The following SPON1 variants were observed in gnomAD, a reference collection of about 807,000 sequenced individuals.
SPON1 encodes the protein spondin 1.
Under a neutral mutation model 111.7 loss-of-function variants are expected in SPON1, and 52 were observed. The ratio of observed to expected loss-of-function variants is 0.47; its 90% CI spans 0.37 to 0.59. SPON1 has a LOEUF of 0.59. Ranked by LOEUF, SPON1 falls within the 20% of genes least tolerant of loss-of-function variation. The pLI is 0.00. For synonymous variants in SPON1, 410 were observed against 395.8 expected (o/e 1.04, Z -0.43); for missense variants, 957 against 1,068.5 (o/e 0.90, Z 1.46).
intron 2 of SPON1, among the ~76,000 whole-genome samples, chr11:14,040,102 A>T (rs1382271985): frequency 6.6e-6 from 1 of 152,208 alleles, no homozygotes; most frequent in East Asian, 1.9e-4. Flanking sequence ...TGCAGTACTT[A>T]GTGAAATTAA....
intron 5 of SPON1, among the ~76,000 whole-genome samples, chr11:14,129,986 C>T (rs74404771): frequency 0.097 from 14,674 of 150,894 alleles, 868 homozygotes; most frequent in African/African-American, 0.16. Flanking sequence ...TTCATGACCT[C>T]CCACCAAATC....
intron 3 of SPON1, among the ~76,000 whole-genome samples, 169 bp downstream of exon 3, chr11:14,041,823 A>G (rs1017395751): frequency 6.6e-6 from 1 of 152,168 alleles, no homozygotes; most frequent in African/African-American, 2.4e-5. Context: ...GAAGTGTTCC[A>G]TAAAGATTCA....
chr11:13,976,982 G>C (rs1848108199), intron 1 of SPON1, among the ~76,000 whole-genome samples: 1 of 152,140 alleles, frequency 6.6e-6, no homozygotes, highest in South Asian at 2.1e-4. Context: ...CCTGTCTTCT[G>C]TCACTTGAGA....
intron 5 of SPON1, among the ~76,000 whole-genome samples, chr11:14,117,637 C>A (rs782815276): frequency 1.3e-5 from 2 of 152,156 alleles, no homozygotes; most frequent in African/African-American, 4.8e-5. Context: ...TCCATCTTAA[C>A]TTTTACCTCA....
At chr11:14,100,520 T>C (rs1554924289) in intron 5 of SPON1, among the ~76,000 whole-genome samples, 1 of 152,248 alleles carries the variant, frequency 6.6e-6, no homozygotes, top group Non-Finnish European at 1.5e-5. Context: ...TACTTATGTT[T>C]ATCTCTGTTG....
At chr11:14,179,267 C>T (rs1004517645) in intron 6 of SPON1, among the ~76,000 whole-genome samples, 6 of 152,152 alleles carry the variant, frequency 3.9e-5, no homozygotes, top group Non-Finnish European at 8.8e-5. Context: ...AGATATGACA[C>T]AGCATTTTGC....
intron 6 of SPON1, among the ~76,000 whole-genome samples, chr11:14,146,075 C>T (rs782588408): frequency 2.8e-4 from 43 of 151,912 alleles, no homozygotes; most frequent in Non-Finnish European, 5.9e-4. Flanking sequence ...AGGGGCAGAA[C>T]TGAAAGGTTC....
At chr11:14,257,633 T>C (rs1849123825) in intron 10 of SPON1, 83 bp from the exon 11 acceptor site, 1 of 1,325,446 alleles carries the variant, frequency 7.5e-7, no homozygotes, top group African/African-American at 1.5e-5. Context: ...GCTTTTCTTG[T>C]CCCCAGATAA....
At chr11:14,089,722 T>C (rs1312888424) in intron 5 of SPON1, among the ~76,000 whole-genome samples, 2 of 152,164 alleles carry the variant, frequency 1.3e-5, no homozygotes, top group East Asian at 3.9e-4. Context: ...CAGGCAGGAA[T>C]GTTTAAATCC....
chr11:14,079,453 G>C (rs1184282068), intron 4 of SPON1, among the ~76,000 whole-genome samples: 11 of 151,612 alleles, frequency 7.3e-5, no homozygotes, highest in African/African-American at 2.7e-4. Flanking sequence ...ATTCCTTCTG[G>C]TCCTGTCATT....
intron 6 of SPON1, among the ~76,000 whole-genome samples, chr11:14,179,645 C>A (rs1313868682): frequency 6.6e-6 from 1 of 152,116 alleles, no homozygotes; most frequent in Admixed American, 6.5e-5. Context: ...GTTTCCTCAT[C>A]TAAATGAAGA....
intron 2 of SPON1, among the ~76,000 whole-genome samples, chr11:14,003,799 A>C (rs1848338182): frequency 6.6e-6 from 1 of 152,176 alleles, no homozygotes; most frequent in Admixed American, 6.5e-5. Flanking sequence ...TTTTTGTGAC[A>C]AGGGCAACTA....
At chr11:14,059,590 A>G (rs983449232) in intron 3 of SPON1, among the ~76,000 whole-genome samples, 2 of 152,194 alleles carry the variant, frequency 1.3e-5, no homozygotes, top group African/African-American at 4.8e-5. Flanking sequence ...GGGCTGGCAC[A>G]TGAATATTCA....
chr11:14,081,655 T>A (rs1352272632), intron 5 of SPON1, among the ~76,000 whole-genome samples: 2 of 152,102 alleles, frequency 1.3e-5, no homozygotes, highest in Non-Finnish European at 2.9e-5. Context: ...TTTGTTCTTG[T>A]GCATTTTACT....
chr11:14,212,770 A>C (rs887939931), intron 6 of SPON1, among the ~76,000 whole-genome samples: 1 of 152,012 alleles, frequency 6.6e-6, no homozygotes, highest in Non-Finnish European at 1.5e-5. Flanking sequence ...TGGGTTGTCT[A>C]TTTTTCATAG....
Position 14,243,340 on chromosome 11 carries a change from G to T in SPON1, c.834G>T (p.Glu278Asp). ...GTGGTCCTTTTTTGCAGAGTGATGA[G>T]GTCCTCACCGTCATCAAAGCCAAAG... Reference protein sequence around the residue: ...MEEEIRQQSDEVLTVIKAKAQ... With the variant: ...MEEEIRQQSDDVLTVIKAKAQ... The change falls in exon 7 of 16, where the codon GAG (glutamate) becomes GAT (aspartate). Residue 278 changes from glutamate to aspartate, a missense_variant. Transcript: ENST00000576479. 6.3e-7 allele frequency: 1 copy of T among 1,582,474 alleles called. No homozygotes were observed. Among genetic ancestry groups the T allele is most frequent in the Non-Finnish European group, 8.6e-7 (1 of 1,163,620 alleles).
chr11:14,125,390 A>G (rs1847447092), intron 5 of SPON1, among the ~76,000 whole-genome samples: 1 of 152,176 alleles, frequency 6.6e-6, no homozygotes, highest in South Asian at 2.1e-4. Context: ...GAGTTAAGTG[A>G]CCAGTTCATC....
chr11:14,137,591 C>T (rs7941383), intron 6 of SPON1, among the ~76,000 whole-genome samples: 59,575 of 151,930 alleles, frequency 0.39, 11,909 homozygotes, highest in East Asian at 0.54. Context: ...CAGAGAATAC[C>T]AGGACTTAAA....
chr11:14,261,081 T>C (rs536493699), intron 14 of SPON1, among the ~76,000 whole-genome samples: 1 of 152,236 alleles, frequency 6.6e-6, no homozygotes, highest in Non-Finnish European at 1.5e-5. Flanking sequence ...GCCTGACCCA[T>C]GGATTTTCCA....
Sources: gnomAD v4.1 joint callset for allele counts (sites outside exome capture counted in the v4.1 genomes callset) on GRCh38, gnomAD v4.1.1 for gene constraint, MANE v1.5 for transcripts, NCBI Gene and HGNC (gene_info 2026-07-23, HGNC 2026-07-21) for gene names.